Variants in BNC2 observed in about 807,000 individuals in gnomAD.
BNC2 encodes the protein basonuclin zinc finger protein 2.
A neutral mutation model predicts 76.3 loss-of-function variants in BNC2; 20 were observed. The ratio of observed to expected loss-of-function variants is 0.26; its 90% confidence interval spans 0.18 to 0.38. The LOEUF is 0.38. Among genes scored for constraint, BNC2 ranks in the 10% least tolerant of loss-of-function variants. The pLI is 1.00. For synonymous variants in BNC2, 582 were observed against 514.8 expected, an observed-to-expected ratio of 1.13 and a Z score of -1.77; for missense variants, 1,382 against 1,399.8, an observed-to-expected ratio of 0.99 and a Z score of 0.20.
At chr9:16,486,354 G>C (rs1822163841) in intron 5 of BNC2, among the ~76,000 whole-genome samples, 1 of 152,188 alleles carries the variant, frequency 6.6e-6, no homozygotes, top group Non-Finnish European at 1.5e-5. Flanking sequence ...ATCATTCCTA[G>C]TTCTGTGGGA....
At chr9:16,583,782 T>A (rs1819692969) in intron 3 of BNC2, among the ~76,000 whole-genome samples, 1 of 152,278 alleles carries the variant, frequency 6.6e-6, no homozygotes, top group Admixed American at 6.5e-5. Flanking sequence ...AGATCAGACA[T>A]GGAACAGAAA....
At chr9:16,751,298 A>C (rs1344835214) in intron 1 of BNC2, among the ~76,000 whole-genome samples, 2 of 151,546 alleles carry the variant, frequency 1.3e-5, no homozygotes, top group African/African-American at 2.4e-5. Context: ...TATTGTGAGC[A>C]CTGGAGTACT....
intron 1 of BNC2, among the ~76,000 whole-genome samples, chr9:16,861,786 G>A (rs780592909): frequency 3.9e-5 from 6 of 152,158 alleles, no homozygotes; most frequent in African/African-American, 9.7e-5. Flanking sequence ...TCAGGAGATC[G>A]AGACCATCCT....
At chr9:16,857,867 A>T (rs1344687784) in intron 1 of BNC2, among the ~76,000 whole-genome samples, 1 of 152,236 alleles carries the variant, frequency 6.6e-6, no homozygotes, top group Non-Finnish European at 1.5e-5. Flanking sequence ...TAAGGGAATG[A>T]ATATTTCTTT....
At chr9:16,670,276 G>A (rs1822436144) in intron 3 of BNC2, among the ~76,000 whole-genome samples, 1 of 152,002 alleles carries the variant, frequency 6.6e-6, no homozygotes, top group South Asian at 2.1e-4. Flanking sequence ...GCAGAATTCT[G>A]CTAAATACCT....
At chr9:16,621,361 C>T (rs763863212) in intron 3 of BNC2, among the ~76,000 whole-genome samples, 1 of 152,132 alleles carries the variant, frequency 6.6e-6, no homozygotes, top group African/African-American at 2.4e-5. Flanking sequence ...TGTAATGTGT[C>T]TGTGGTTAGC....
At position 16,482,199 on chromosome 9, in the gene BNC2, C is replaced by T. The variant is rs1231720016; in HGVS notation, c.670-44675G>A. Among the ~76,000 whole-genome samples the T allele has an allele frequency of 2.6e-5, 4 of 152,124 alleles. No individual in the cohort carries two copies. The East Asian group carries it at 5.8e-4, about 22-fold the overall frequency. On this transcript the variant is annotated intron_variant, in intron 5 of 6. Coordinates refer to ENST00000380672, the MANE Select transcript of BNC2 (RefSeq NM_017637.6). Reference sequence around the variant, plus strand: ...ATCCATAATTGTGTTTTAATGTTTTCAAAAGAATAAGTTTAATCTTGGCCA... The same window carrying T: ...ATCCATAATTGTGTTTTAATGTTTTTAAAAGAATAAGTTTAATCTTGGCCA...
chr9:16,805,096 T>C (rs1817873286), intron 1 of BNC2, among the ~76,000 whole-genome samples: 1 of 152,034 alleles, frequency 6.6e-6, no homozygotes, highest in South Asian at 2.1e-4. Flanking sequence ...ATCTGTTTGG[T>C]AGGTAACACC....
rs184344564 is a variant in BNC2, at chr9:16,637,617, A to T, written c.331-54532T>A. On this transcript the variant is annotated intron_variant, in intron 3 of 6. Coordinates refer to ENST00000380672, the MANE Select transcript of BNC2 (RefSeq NM_017637.6). Reference sequence around the variant, plus strand: ...CTGAGGCTGGCCAAAATATTTATTTAAAAAAAAGCAAAAACAGTAACTTTT... The same window carrying T: ...CTGAGGCTGGCCAAAATATTTATTTTAAAAAAAGCAAAAACAGTAACTTTT... Among the ~76,000 whole-genome samples, 255 of 152,208 alleles carry T rather than the reference A, an allele frequency of 1.7e-3. 5 individuals carry two copies. In the East Asian group the frequency reaches 0.038, roughly 23 times the overall value.
At chr9:16,870,197 G>T (rs937432350) in intron 1 of BNC2, among the ~76,000 whole-genome samples, 1 of 151,994 alleles carries the variant, frequency 6.6e-6, no homozygotes, top group African/African-American at 2.4e-5. Context: ...CTCACTCGGC[G>T]GCAAGTTGTA....
At chr9:16,419,749 C>G in intron 6 of BNC2, 100 bp from the exon 7 acceptor site, 1 of 777,384 alleles carries the variant, frequency 1.3e-6, no homozygotes, top group Non-Finnish European at 2.2e-6. Flanking sequence ...CACTAGGTAT[C>G]AAATAAGCAC....
intron 3 of BNC2, among the ~76,000 whole-genome samples, chr9:16,672,959 C>A (rs1211114843): frequency 6.6e-6 from 1 of 152,158 alleles, no homozygotes; most frequent in African/African-American, 2.4e-5. Flanking sequence ...GTAAACAACA[C>A]GAAGCAAAAA....
chr9:16,439,415 AT>A (rs1275794281), intron 5 of BNC2, among the ~76,000 whole-genome samples: 3 of 152,222 alleles, frequency 2.0e-5, no homozygotes, highest in Non-Finnish European at 2.9e-5. Context: ...CTAATAAAAA[AT>A]AATTGTGTGA....
intron 1 of BNC2, among the ~76,000 whole-genome samples, chr9:16,748,187 G>C (rs1825065899): frequency 6.6e-6 from 1 of 152,224 alleles, no homozygotes; most frequent in African/African-American, 2.4e-5. Flanking sequence ...TTCTAAAATG[G>C]GGCTAAGCTA....
chr9:16,818,450 T>G (rs2135922487), intron 1 of BNC2, among the ~76,000 whole-genome samples: 1 of 151,990 alleles, frequency 6.6e-6, no homozygotes, highest in Middle Eastern at 3.4e-3. Flanking sequence ...AGAGAACCGG[T>G]TTGGAAGTTT....
At chr9:16,716,813 G>A (rs1205381246) in intron 3 of BNC2, among the ~76,000 whole-genome samples, 4 of 152,112 alleles carry the variant, frequency 2.6e-5, no homozygotes, top group South Asian at 2.1e-4. Context: ...GTTTCCTTCC[G>A]AAAGGAAGCA....
At chr9:16,697,778 A>C (rs1823382801) in intron 3 of BNC2, among the ~76,000 whole-genome samples, 1 of 152,036 alleles carries the variant, frequency 6.6e-6, no homozygotes, top group South Asian at 2.1e-4. Flanking sequence ...ATAACCTCTT[A>C]GTTTAAAATT....
rs866752768 is a variant in BNC2, at chr9:16,467,846, T to A, written c.670-30322A>T. ...TTAGAGTATAATAAAAAAAAAAAAT[T>A]AAAAAAAAAAAAATGCCATCTTCTG... is the stretch of plus-strand genomic sequence containing the variant. On this transcript the variant is annotated intron_variant, in intron 5 of 6. Transcript: ENST00000380672. Among the ~76,000 whole-genome samples, 1,176 of 141,448 alleles carry A rather than the reference T, an allele frequency of 8.3e-3. 16 individuals are homozygous for A. The highest frequency in any genetic ancestry group is 0.028 in the African/African-American group (1,098 of 38,626). The allele number at this position is 141,448 out of a possible 152,430, so 92.8% of individuals were successfully genotyped here. A position where few individuals can be genotyped will look rare whatever the true frequency, so the allele number is the denominator to read the frequency against.
At position 16,436,048 on chromosome 9, in the gene BNC2, G is replaced by C; in HGVS notation, c.2146C>G (p.Gln716Glu). 9 of 1,614,122 alleles carry C rather than the reference G, an allele frequency of 5.6e-6. No individual in the cohort carries two copies. Among genetic ancestry groups the C allele is most frequent in the Non-Finnish European group, 7.6e-6 (9 of 1,180,030 alleles). Residue 716 changes from glutamine (Q) to glutamate (E), a missense_variant, in exon 6 of 7, where the codon CAA (glutamine) becomes GAA (glutamate). Physicochemically the swap from Gln to Glu is conservative, Grantham distance 29 (BLOSUM62 2). Transcript: ENST00000380672. Reference protein sequence around the residue: ...RRADSMTSEDQEPERDYENES... With the variant: ...RRADSMTSEDEEPERDYENES... Reference sequence around the variant, plus strand: ...TTCTCATAGTCCCGCTCAGGTTCTTGGTCTTCAGAAGTCATGCTGTCGGCC... The same window carrying C: ...TTCTCATAGTCCCGCTCAGGTTCTTCGTCTTCAGAAGTCATGCTGTCGGCC...
Sources: gnomAD v4.1 joint callset for allele counts (sites outside exome capture counted in the v4.1 genomes callset) on GRCh38, gnomAD v4.1.1 for gene constraint, MANE v1.5 for transcripts, NCBI Gene and HGNC (gene_info 2026-07-23, HGNC 2026-07-21) for gene names.